NUBPL: variants seen among roughly 807,000 people sequenced by gnomAD.
The protein encoded by NUBPL is NUBP iron-sulfur cluster assembly factor, mitochondrial.
A neutral mutation model predicts 45.7 loss-of-function variants in NUBPL; 31 were observed. The observed-to-expected ratio is 0.68, with a 90% CI of 0.51 to 0.92. NUBPL has a LOEUF of 0.92. Ranked by LOEUF, NUBPL falls within the 40% of genes least tolerant of loss-of-function variation. The pLI is 0.00. For synonymous variants in NUBPL, 144 were observed against 140.9 expected (o/e 1.02, Z -0.15); for missense variants, 401 against 398.7 (o/e 1.01, Z -0.05).
chr14:31,728,997 A>G (rs1019900224), intron 6 of NUBPL, among the ~76,000 whole-genome samples: 4 of 152,218 alleles, frequency 2.6e-5, no homozygotes, highest in Middle Eastern at 3.4e-3. Context: ...TTCAACAAGT[A>G]CGGCTGGGCA....
At chr14:31,719,259 A>C (rs889322137) in intron 6 of NUBPL, among the ~76,000 whole-genome samples, 6 of 152,140 alleles carry the variant, frequency 3.9e-5, no homozygotes, top group Non-Finnish European at 7.4e-5. Context: ...AAAGATTCAA[A>C]ATTTGAAGTA....
intron 4 of NUBPL, among the ~76,000 whole-genome samples, chr14:31,601,235 A>G (rs558961490): frequency 4.3e-4 from 66 of 152,264 alleles, no homozygotes; most frequent in East Asian, 2.3e-3. Flanking sequence ...TTGGTGATGC[A>G]GGCTCTTTTT....
At chr14:31,635,566 G>A (rs1045021613) in intron 4 of NUBPL, among the ~76,000 whole-genome samples, 9 of 151,856 alleles carry the variant, frequency 5.9e-5, no homozygotes, top group South Asian at 2.1e-4. Context: ...TTGACTTGGC[G>A]ATGTGGGCTC....
At chr14:31,742,356 T>C (rs901142289) in intron 6 of NUBPL, among the ~76,000 whole-genome samples, 19 of 152,162 alleles carry the variant, frequency 1.2e-4, no homozygotes, top group East Asian at 3.8e-4. Flanking sequence ...TTAAGTTGTA[T>C]GCCAGTGACT....
At chr14:31,757,737 G>A (rs961430537) in intron 6 of NUBPL, among the ~76,000 whole-genome samples, 2 of 152,016 alleles carry the variant, frequency 1.3e-5, no homozygotes, top group South Asian at 2.1e-4. Flanking sequence ...CTTCTTTCAT[G>A]TGTTTATATT....
chr14:31,799,533 C>T (rs1045599040), intron 7 of NUBPL, among the ~76,000 whole-genome samples: 1 of 152,142 alleles, frequency 6.6e-6, no homozygotes, highest in East Asian at 1.9e-4. Flanking sequence ...TCCAGGCCAC[C>T]TCAATAAAGC....
intron 4 of NUBPL, among the ~76,000 whole-genome samples, chr14:31,617,534 C>T (rs4981863): frequency 0.41 from 61,845 of 152,018 alleles, 14,246 homozygotes; most frequent in East Asian, 0.59. Context: ...TTGAGATAAT[C>T]GTGTGGTTTT....
chr14:31,577,853 T>C, intron 3 of NUBPL: 1 of 449,828 alleles, frequency 2.2e-6, no homozygotes, highest in Non-Finnish European at 2.9e-6. Flanking sequence ...GGATTGGATG[T>C]CACTTCCTCT....
intron 6 of NUBPL, among the ~76,000 whole-genome samples, chr14:31,753,960 T>G (rs1039639743): frequency 7.9e-5 from 12 of 152,176 alleles, no homozygotes; most frequent in Admixed American, 7.9e-4. Context: ...CAGTAGATTT[T>G]AAATGTTCTC....
chr14:31,744,365 A>G (rs896559614), intron 6 of NUBPL, among the ~76,000 whole-genome samples: 1 of 152,222 alleles, frequency 6.6e-6, no homozygotes, highest in African/African-American at 2.4e-5. Flanking sequence ...TTTGTCATCT[A>G]TGAAGATATT....
chr14:31,729,722 A>G (rs757413091), intron 6 of NUBPL, among the ~76,000 whole-genome samples: 2 of 151,940 alleles, frequency 1.3e-5, no homozygotes, highest in Non-Finnish European at 2.9e-5. Context: ...AAGTAATTGA[A>G]GTTTTTGCCA....
intron 7 of NUBPL, among the ~76,000 whole-genome samples, chr14:31,809,701 G>A (rs1050013749): frequency 2.6e-5 from 4 of 151,982 alleles, no homozygotes; most frequent in East Asian, 1.9e-4. Context: ...TCTTTTAATC[G>A]TGATGTTAGG....
intron 7 of NUBPL, among the ~76,000 whole-genome samples, chr14:31,797,990 A>C (rs977720578): frequency 2.0e-5 from 3 of 147,060 alleles, no homozygotes; most frequent in Non-Finnish European, 3.0e-5. Context: ...TCCTTCACTT[A>C]TGAAGCTTAG....
At chr14:31,645,149 T>C (rs1001831891) in intron 4 of NUBPL, among the ~76,000 whole-genome samples, 3 of 151,436 alleles carry the variant, frequency 2.0e-5, no homozygotes, top group Admixed American at 6.6e-5. Context: ...CACTGCAAGC[T>C]CCGCCTCCCG....
intron 6 of NUBPL, among the ~76,000 whole-genome samples, chr14:31,769,640 A>G (rs1280034366): frequency 2.6e-5 from 4 of 151,458 alleles, no homozygotes; most frequent in South Asian, 2.1e-4. Flanking sequence ...GTTCTTATAT[A>G]AGGTAACCCT....
chr14:31,588,315 T>G (rs2034046731), intron 3 of NUBPL, among the ~76,000 whole-genome samples: 1 of 152,218 alleles, frequency 6.6e-6, no homozygotes, highest in East Asian at 1.9e-4. Context: ...GATAGAAGTA[T>G]ATGTACTGTG....
intron 4 of NUBPL, among the ~76,000 whole-genome samples, chr14:31,612,687 G>GAA (rs936629796): frequency 1.4e-5 from 2 of 146,982 alleles, no homozygotes; most frequent in Admixed American, 6.8e-5. Flanking sequence ...GAAAAGAAAA[G>GAA]AAAAAAAAAG....
intron 4 of NUBPL, among the ~76,000 whole-genome samples, chr14:31,618,934 A>T (rs2034984431): frequency 6.6e-6 from 1 of 152,132 alleles, no homozygotes; most frequent in African/African-American, 2.4e-5. Context: ...GTCTCTTTGT[A>T]TGTCTCTAAG....
intron 4 of NUBPL, 127 bp downstream of exon 4, chr14:31,599,506 T>C (rs1240500102): frequency 1.5e-6 from 1 of 667,160 alleles, no homozygotes; most frequent in Non-Finnish European, 2.6e-6. Flanking sequence ...TCACTTAAGT[T>C]AGTAGATTCT....
Sources: allele counts gnomAD v4.1 joint callset (sites outside exome capture counted in the v4.1 genomes callset), GRCh38; gene constraint gnomAD v4.1.1; transcripts MANE v1.5; gene names NCBI Gene and HGNC (gene_info 2026-07-23, HGNC 2026-07-21).